The following ADIPOR2 variants were observed in gnomAD, a reference collection of about 807,000 sequenced individuals.
ADIPOR2 encodes the protein adiponectin receptor 2.
In ADIPOR2, 18 loss-of-function variants were observed where a neutral mutation model predicts 40.9. That is an observed-to-expected ratio of 0.44 (90% CI 0.30 to 0.65). ADIPOR2 has a LOEUF of 0.65. Ranked by LOEUF, ADIPOR2 falls within the 30% of genes least tolerant of loss-of-function variation. ADIPOR2 has a pLI of 0.09. For missense variants in ADIPOR2, 283 were observed against 479.2 expected (o/e 0.59, Z 3.82); for synonymous variants, 165 against 166.4 (o/e 0.99, Z 0.06).
At chr12:1,700,743 T>C (rs189661306) in intron 1 of ADIPOR2, among the ~76,000 whole-genome samples, 51 of 152,010 alleles carry the variant, frequency 3.4e-4, no homozygotes, top group Admixed American at 1.5e-3. Context: ...TAAGAAACTA[T>C]TTAAACTGGA....
chr12:1,770,020 G>A (rs116742603), intron 2 of ADIPOR2, among the ~76,000 whole-genome samples: 348 of 151,912 alleles, frequency 2.3e-3, no homozygotes, highest in African/African-American at 8.0e-3. Context: ...TGGGGCTCAA[G>A]GAGTCCTCCC....
chr12:1,759,326 T>C (rs1862219117), intron 2 of ADIPOR2, among the ~76,000 whole-genome samples: 1 of 152,230 alleles, frequency 6.6e-6, no homozygotes, highest in South Asian at 2.1e-4. Flanking sequence ...AAGATGCAGA[T>C]CTTAACTAAA....
At chr12:1,717,345 C>T (rs1303569310) in intron 1 of ADIPOR2, among the ~76,000 whole-genome samples, 1 of 151,826 alleles carries the variant, frequency 6.6e-6, no homozygotes, top group Non-Finnish European at 1.5e-5. Context: ...AATGTAATAC[C>T]CTCATCTTTA....
Position 1,726,411 on chromosome 12 carries a change from T to G in ADIPOR2, c.-86-27847T>G, listed in dbSNP as rs7960124. 2.2e-3 allele frequency among the ~76,000 whole-genome samples: 330 copies of G among 152,278 alleles called. 9 individuals carry two copies. The South Asian group carries it at 0.054, about 25-fold the overall frequency. On this transcript the variant is annotated intron_variant, in intron 1 of 7. Coordinates refer to ENST00000357103, the MANE Select transcript of ADIPOR2 (RefSeq NM_024551.3). ...CGGGGTTTCACCATCTTGGCCAGGCTAGTCTCGAACTCCTGCCCTCAGGTT... is the reference window on the plus strand; with the variant it reads ...CGGGGTTTCACCATCTTGGCCAGGCGAGTCTCGAACTCCTGCCCTCAGGTT...
chr12:1,769,568 G>A (rs1862453741), intron 2 of ADIPOR2, among the ~76,000 whole-genome samples: 1 of 152,246 alleles, frequency 6.6e-6, no homozygotes, highest in South Asian at 2.1e-4. Context: ...GTTTTTGTTT[G>A]TTTCTCTTGT....
chr12:1,705,519 T>C (rs1173795557), intron 1 of ADIPOR2, among the ~76,000 whole-genome samples: 1 of 152,222 alleles, frequency 6.6e-6, no homozygotes, highest in Admixed American at 6.5e-5. Context: ...TACAAAACAT[T>C]GTATAAAATT....
chr12:1,717,451 A>G (rs1456202387), intron 1 of ADIPOR2, among the ~76,000 whole-genome samples: 3 of 152,194 alleles, frequency 2.0e-5, no homozygotes. Flanking sequence ...TCACACCTGT[A>G]ATCCCAGCAC....
chr12:1,729,017 G>A (rs2094714164), intron 1 of ADIPOR2, among the ~76,000 whole-genome samples: 2 of 131,830 alleles, frequency 1.5e-5, no homozygotes, highest in African/African-American at 2.8e-5. Flanking sequence ...CAACAGAACA[G>A]TTCATTGTTA....
intron 2 of ADIPOR2, among the ~76,000 whole-genome samples, chr12:1,762,830 G>A (rs1016476714): frequency 6.6e-6 from 1 of 152,110 alleles, no homozygotes; most frequent in African/African-American, 2.4e-5. Flanking sequence ...CTTGTCATGG[G>A]GATGATATAC....
At chr12:1,775,803 A>G (rs577705743) in intron 3 of ADIPOR2, among the ~76,000 whole-genome samples, 8 of 152,242 alleles carry the variant, frequency 5.3e-5, no homozygotes, top group Non-Finnish European at 1.2e-4. Context: ...AGCAGACTGC[A>G]GAGGTTGACA....
chr12:1,773,423 T>G (rs11061979), intron 3 of ADIPOR2, among the ~76,000 whole-genome samples: 6,702 of 152,188 alleles, frequency 0.044, 252 homozygotes, highest in East Asian at 0.19. Flanking sequence ...TCCATGTACA[T>G]CTGGTATTTT....
intron 1 of ADIPOR2, among the ~76,000 whole-genome samples, chr12:1,715,407 C>T (rs541881298): frequency 6.6e-6 from 1 of 152,120 alleles, no homozygotes; most frequent in East Asian, 1.9e-4. Context: ...CAAATTGGTC[C>T]CAGTGGCTTA....
intron 2 of ADIPOR2, among the ~76,000 whole-genome samples, chr12:1,771,757 A>G (rs1462122791): frequency 6.6e-6 from 1 of 152,242 alleles, no homozygotes; most frequent in Non-Finnish European, 1.5e-5. Flanking sequence ...GTTCATTCTT[A>G]CCAAGTAGTT....
intron 1 of ADIPOR2, among the ~76,000 whole-genome samples, chr12:1,710,306 T>C (rs1052668134): frequency 6.6e-6 from 1 of 152,200 alleles, no homozygotes; most frequent in African/African-American, 2.4e-5. Flanking sequence ...TAAATCTTGC[T>C]GCTGCTCACT....
Position 1,725,690 on chromosome 12 carries a change from T to G in ADIPOR2, c.-86-28568T>G, listed in dbSNP as rs535907387. ...GTTCTAGAGACCAGCAGTCCAGCAATGAACTAAACAAAATGAACAAAATAC... is the reference window on the plus strand; with the variant it reads ...GTTCTAGAGACCAGCAGTCCAGCAAGGAACTAAACAAAATGAACAAAATAC... On this transcript the variant is annotated intron_variant, in intron 1 of 7. Transcript: ENST00000357103. 2.6e-5 allele frequency among the ~76,000 whole-genome samples: 4 copies of G among 152,264 alleles called. No homozygotes were observed. The East Asian group carries it at 7.7e-4, about 29-fold the overall frequency.
chr12:1,737,035 A>C (rs1592599640), intron 1 of ADIPOR2, among the ~76,000 whole-genome samples: 1 of 152,186 alleles, frequency 6.6e-6, no homozygotes. Context: ...CTTTTCTTCC[A>C]CTTACCAGCC....
At chr12:1,751,738 T>A (rs1005467557) in intron 1 of ADIPOR2, among the ~76,000 whole-genome samples, 2 of 151,812 alleles carry the variant, frequency 1.3e-5, no homozygotes, top group Non-Finnish European at 2.9e-5. Flanking sequence ...CAAGCTGGTT[T>A]CGAACTGCTG....
chr12:1,714,378 G>A (rs1435864059), intron 1 of ADIPOR2, among the ~76,000 whole-genome samples: 1 of 152,044 alleles, frequency 6.6e-6, no homozygotes, highest in East Asian at 1.9e-4. Context: ...AGGGGCCAGG[G>A]CTAGCTTTTG....
chr12:1,761,504 T>C (rs1862269688), intron 2 of ADIPOR2, among the ~76,000 whole-genome samples: 1 of 152,190 alleles, frequency 6.6e-6, no homozygotes, highest in South Asian at 2.1e-4. Flanking sequence ...TTCCACTTTC[T>C]CCACACCCAC....
Sources: allele counts gnomAD v4.1 joint callset (sites outside exome capture counted in the v4.1 genomes callset), GRCh38; gene constraint gnomAD v4.1.1; transcripts MANE v1.5; gene names NCBI Gene and HGNC (gene_info 2026-07-23, HGNC 2026-07-21).